Variants in SGCZ observed in about 807,000 individuals in gnomAD.
SGCZ encodes sarcoglycan zeta.
A neutral mutation model predicts 41.3 loss-of-function variants in SGCZ; 40 were observed. The ratio of observed to expected loss-of-function variants is 0.97; its 90% CI spans 0.75 to 1.26. The LOEUF (loss-of-function observed/expected upper bound fraction) is 1.26, where lower values mean the gene tolerates loss of function less well. Ranked by LOEUF, SGCZ falls within the 50% of genes most tolerant of loss-of-function variation. The probability of loss-of-function intolerance (pLI) is 0.00; values close to 1 mark genes in which losing one functional copy is unlikely to be tolerated. For missense variants in SGCZ, 552 were observed against 369.8 expected (o/e 1.49, Z -4.04); for synonymous variants, 206 against 137.5 (o/e 1.50, Z -3.49).
chr8:14,783,433 CAAA>C (rs879664630), intron 1 of SGCZ, among the ~76,000 whole-genome samples: 1 of 84,632 alleles, frequency 1.2e-5, no homozygotes, highest in Admixed American at 1.3e-4. Flanking sequence ...GATTTTGTCT[CAAA>C]AAAAAAAAAG....
intron 1 of SGCZ, among the ~76,000 whole-genome samples, chr8:14,633,281 G>A (rs111880554): frequency 3.6e-4 from 54 of 152,052 alleles, no homozygotes; most frequent in African/African-American, 8.7e-4. Flanking sequence ...AATTTCTGGA[G>A]AGGGACATAA....
chr8:14,636,400 A>T (rs1027807526), intron 1 of SGCZ, among the ~76,000 whole-genome samples: 19 of 151,966 alleles, frequency 1.3e-4, no homozygotes, highest in Non-Finnish European at 2.2e-4. Context: ...AGCTAGTCTT[A>T]CTAAGCTATG....
chr8:14,271,249 T>C (rs1800048916), intron 3 of SGCZ, among the ~76,000 whole-genome samples: 1 of 151,842 alleles, frequency 6.6e-6, no homozygotes, highest in Non-Finnish European at 1.5e-5. Flanking sequence ...ATAAAGGAAA[T>C]CTTAAAAAGA....
At chr8:15,207,339 T>C (rs1251668437) in intron 1 of SGCZ, among the ~76,000 whole-genome samples, 1 of 152,148 alleles carries the variant, frequency 6.6e-6, no homozygotes, top group Admixed American at 6.5e-5. Flanking sequence ...GAATAGATGA[T>C]GTGTGCCAAA....
intron 1 of SGCZ, among the ~76,000 whole-genome samples, chr8:14,956,541 C>G (rs569338953): frequency 6.1e-4 from 93 of 152,176 alleles, no homozygotes; most frequent in Non-Finnish European, 7.8e-4. Flanking sequence ...ATTTCATGCA[C>G]AGAATCTCGG....
intron 2 of SGCZ, among the ~76,000 whole-genome samples, chr8:14,483,077 G>A (rs190777853): frequency 1.4e-4 from 22 of 151,968 alleles, no homozygotes; most frequent in Non-Finnish European, 1.3e-4. Context: ...ATTTCCACAG[G>A]CTCTATCTCT....
At chr8:14,250,755 T>C (rs977120388) in intron 3 of SGCZ, among the ~76,000 whole-genome samples, 2 of 152,174 alleles carry the variant, frequency 1.3e-5, no homozygotes, top group African/African-American at 2.4e-5. Context: ...CTCTCCTCTG[T>C]AGGGACTTAC....
chr8:14,316,887 T>A (rs942761215), intron 3 of SGCZ, among the ~76,000 whole-genome samples: 1 of 150,938 alleles, frequency 6.6e-6, no homozygotes, highest in African/African-American at 2.4e-5. Flanking sequence ...TCTAGACTCA[T>A]ATGTCCACCA....
At chr8:15,030,147 G>A (rs1039041621) in intron 1 of SGCZ, among the ~76,000 whole-genome samples, 7 of 152,100 alleles carry the variant, frequency 4.6e-5, no homozygotes, top group African/African-American at 1.7e-4. Flanking sequence ...AGATGGGAAA[G>A]CAGCACAGGA....
Position 14,358,382 on chromosome 8 carries a change from C to T in SGCZ, c.235-34178G>A, listed in dbSNP as rs1187206276. The stretch of plus-strand genomic sequence containing the variant: ...ATACAACCTATGTCATCATTATCTA[C>T]AAATCATGTTTTTTCATTATGTTGT... On this transcript the variant is annotated intron_variant, in intron 2 of 7. Coordinates refer to ENST00000382080, the MANE Select transcript of SGCZ (RefSeq NM_139167.4). 3.9e-5 allele frequency among the ~76,000 whole-genome samples: 6 copies of T among 152,028 alleles called. No individual in the cohort carries two copies. In the East Asian group the frequency reaches 7.7e-4, roughly 20 times the overall value.
At chr8:15,164,022 C>G (rs1480474772) in intron 1 of SGCZ, among the ~76,000 whole-genome samples, 1 of 152,222 alleles carries the variant, frequency 6.6e-6, no homozygotes, top group Non-Finnish European at 1.5e-5. Flanking sequence ...CGCCGGGAAG[C>G]GCTCTAGCAG....
intron 2 of SGCZ, among the ~76,000 whole-genome samples, chr8:14,528,819 G>A (rs984438968): frequency 1.7e-4 from 18 of 105,654 alleles, no homozygotes; most frequent in Non-Finnish European, 2.6e-4. Flanking sequence ...ACAACATCAC[G>A]GACCAGCCAA....
chr8:14,359,181 T>C (rs1033695623), intron 2 of SGCZ, among the ~76,000 whole-genome samples: 7 of 151,892 alleles, frequency 4.6e-5, no homozygotes, highest in Non-Finnish European at 8.8e-5. Flanking sequence ...TGAAGATAAT[T>C]TATAATCAAA....
chr8:15,019,465 C>T (rs1030661040), intron 1 of SGCZ, among the ~76,000 whole-genome samples: 5 of 152,110 alleles, frequency 3.3e-5, no homozygotes, highest in Admixed American at 6.5e-5. Flanking sequence ...GCTCTCTTTC[C>T]TCTTTCAGCC....
At chr8:14,292,891 A>G (rs1450143063) in intron 3 of SGCZ, among the ~76,000 whole-genome samples, 1 of 151,964 alleles carries the variant, frequency 6.6e-6, no homozygotes, top group African/African-American at 2.4e-5. Flanking sequence ...TATTTTTGCT[A>G]TTATTTTCTA....
At chr8:14,947,942 C>A (rs1800507548) in intron 1 of SGCZ, among the ~76,000 whole-genome samples, 1 of 152,080 alleles carries the variant, frequency 6.6e-6, no homozygotes, top group African/African-American at 2.4e-5. Flanking sequence ...TTTGTTCTAC[C>A]TCTCTCCAAC....
chr8:14,783,064 T>C (rs1476032106), intron 1 of SGCZ, among the ~76,000 whole-genome samples: 2 of 152,210 alleles, frequency 1.3e-5, no homozygotes, highest in Admixed American at 1.3e-4. Flanking sequence ...ATTTATTCTT[T>C]ACCCATGAGA....
intron 1 of SGCZ, among the ~76,000 whole-genome samples, chr8:15,095,409 T>C (rs1271321271): frequency 3.3e-5 from 5 of 152,216 alleles, no homozygotes; most frequent in Non-Finnish European, 5.9e-5. Flanking sequence ...AAGAAAACAT[T>C]TTAACTGGAT....
At chr8:14,192,189 C>G (rs190512000) in intron 4 of SGCZ, among the ~76,000 whole-genome samples, 2 of 152,046 alleles carry the variant, frequency 1.3e-5, no homozygotes, top group Admixed American at 1.3e-4. Flanking sequence ...ACAGTAAAAA[C>G]AGAAAATAGG....
Sources: gnomAD v4.1 joint callset for allele counts (sites outside exome capture counted in the v4.1 genomes callset) on GRCh38, gnomAD v4.1.1 for gene constraint, MANE v1.5 for transcripts, NCBI Gene and HGNC (gene_info 2026-07-23, HGNC 2026-07-21) for gene names.